Variants in DHX34 observed in about 807,000 individuals in gnomAD.
The protein encoded by DHX34 is probable ATP-dependent RNA helicase DHX34.
DHX34 carries 96 observed loss-of-function variants against 111.1 expected under a neutral mutation model. That is an observed-to-expected ratio of 0.86 (90% CI 0.73 to 1.02). DHX34 has a LOEUF of 1.02. DHX34 is among the 50% of genes least tolerant of loss of function. The pLI, the probability that DHX34 is intolerant of heterozygous loss-of-function variation, is 0.00. For synonymous variants in DHX34, 688 were observed against 670.4 expected (o/e 1.03, Z -0.41); for missense variants, 1,560 against 1,579.9 (o/e 0.99, Z 0.21).
At chr19:47,371,655 A>G (rs1969969442) in intron 7 of DHX34, among the ~76,000 whole-genome samples, 1 of 152,170 alleles carries the variant, frequency 6.6e-6, no homozygotes, top group African/African-American at 2.4e-5. Flanking sequence ...GCTAGAGTGT[A>G]ATGGCAAGAT....
chr19:47,379,698 C>A lies in DHX34; in HGVS notation c.2707-12C>A, dbSNP rs950533590. ...CCCACCTACTCCCTGTCTTCTGCCC[C>A]CTCTCTTTCAGTCCCTCCTGCTTTT... On this transcript the variant is annotated splice_polypyrimidine_tract_variant and intron_variant, in intron 13 of 16. Coordinates refer to ENST00000328771, the MANE Select transcript of DHX34 (RefSeq NM_014681.6). 2.3e-5 allele frequency: 37 copies of A among 1,586,406 alleles called. 1 individual carries two copies. The highest frequency in any genetic ancestry group is 3.5e-4 in the Middle Eastern group (2 of 5,644).
At chr19:47,379,422 T>C (rs1420369900) in intron 13 of DHX34, among the ~76,000 whole-genome samples, 2 of 152,190 alleles carry the variant, frequency 1.3e-5, no homozygotes, top group African/African-American at 4.8e-5. Flanking sequence ...TCTGAGTGCC[T>C]GCTGTCCCTC....
Position 47,380,899 on chromosome 19 carries a change from T to C in DHX34, c.3066T>C (p.His1022=), listed in dbSNP as rs999815559. 4 of 1,598,206 alleles carry C rather than the reference T, an allele frequency of 2.5e-6. No individual in the cohort carries two copies. Among genetic ancestry groups the C allele is most frequent in the South Asian group, 1.1e-5 (1 of 90,622 alleles). ...CCCAGACCATCCCAGCCACCCCCCA[T>C]CTTCCTGGCCTCTTTGGCAGCTCCA... ...VGPQTIPATP[H]LPGLFGSSTL... is the part of the protein sequence containing the mutation. Residue 1022 remains histidine (H), a synonymous_variant, in exon 15 of 17, where the codon CAT becomes CAC. Transcript: ENST00000328771.
chr19:47,351,149 A>G (rs10520411), intron 1 of DHX34, among the ~76,000 whole-genome samples: 17,009 of 150,626 alleles, frequency 0.11, 1,542 homozygotes, highest in African/African-American at 0.24. Flanking sequence ...TAGCCTCAGA[A>G]GAATGCTCTC....
At chr19:47,358,617 AT>A (rs1183343922) in intron 4 of DHX34, among the ~76,000 whole-genome samples, 4 of 146,396 alleles carry the variant, frequency 2.7e-5, no homozygotes, top group East Asian at 2.0e-4. Context: ...AACTCCATTA[AT>A]TTTTTTTTCT....
intron 2 of DHX34, among the ~76,000 whole-genome samples, chr19:47,354,147 G>A (rs1011743712): frequency 6.6e-6 from 1 of 152,112 alleles, no homozygotes; most frequent in African/African-American, 2.4e-5. Context: ...AATTTTAGTA[G>A]AGACGGGGTT....
rs182754000 is a variant in DHX34 at position 47,371,470 on chromosome 19, C to T, written c.1769-1260C>T. Among the ~76,000 whole-genome samples the T allele has an allele frequency of 3.3e-5, 5 of 152,286 alleles. No homozygotes were observed. In the East Asian group the frequency reaches 5.8e-4, roughly 18 times the overall value. ...CCCCCGTTTACAGATGGGGAAGCAGCGTCACGGCGAGGTGGGGCCACTTTT... is the reference window on the plus strand; with the variant it reads ...CCCCCGTTTACAGATGGGGAAGCAGTGTCACGGCGAGGTGGGGCCACTTTT... On this transcript the variant is annotated intron_variant, in intron 7 of 16. Coordinates refer to ENST00000328771, the MANE Select transcript of DHX34 (RefSeq NM_014681.6).
At chr19:47,355,397 C>G (rs748830687) in intron 3 of DHX34, 47 bp downstream of exon 3, 2 of 1,589,778 alleles carry the variant, frequency 1.3e-6, no homozygotes, top group South Asian at 1.1e-5. Context: ...CCAACCTGGT[C>G]TCTGTCCAAA....
rs1568409568 is a variant in DHX34 at position 47,380,969 on chromosome 19, TTCC to T, written c.3139_3141del (p.Leu1047del). 1 of 1,588,876 alleles carries T rather than the reference TTCC, an allele frequency of 6.3e-7. No homozygotes were observed. Among genetic ancestry groups the T allele is most frequent in the South Asian group, 1.1e-5 (1 of 87,496 alleles). On this transcript the variant is annotated inframe_deletion, in exon 15 of 17. Coordinates refer to ENST00000328771, the MANE Select transcript of DHX34 (RefSeq NM_014681.6). ...AAAGGGGGGCTACGCAGTCACTGAC[TTCC>T]TCACCTACAACTGCCTCACGGTAAG...
intron 13 of DHX34, 139 bp from the exon 14 acceptor site, chr19:47,379,571 A>T (rs1970283008): frequency 6.8e-7 from 1 of 1,472,456 alleles, no homozygotes; most frequent in South Asian, 1.4e-5. Context: ...TGCCTGGTAC[A>T]GCGGGTAGAT....
chr19:47,356,354 G>A (rs1231647295), intron 3 of DHX34, among the ~76,000 whole-genome samples: 1 of 151,922 alleles, frequency 6.6e-6, no homozygotes, highest in Non-Finnish European at 1.5e-5. Flanking sequence ...AGAATGGGTC[G>A]GGCACGGTGG....
chr19:47,367,790 AG>A (rs1969836858), intron 7 of DHX34, among the ~76,000 whole-genome samples: 1 of 147,652 alleles, frequency 6.8e-6, no homozygotes, highest in Non-Finnish European at 1.5e-5. Flanking sequence ...TGGGAGGGTG[AG>A]GTAGGAGAAT....
At chr19:47,375,103 A>G (rs1970093053) in intron 9 of DHX34, among the ~76,000 whole-genome samples, 1 of 152,164 alleles carries the variant, frequency 6.6e-6, no homozygotes. Context: ...ATGTGCCTAG[A>G]TGCCCCAGGG....
chr19:47,355,838 T>C (rs567858269), intron 3 of DHX34, among the ~76,000 whole-genome samples: 21 of 150,762 alleles, frequency 1.4e-4, no homozygotes, highest in African/African-American at 5.1e-4. Flanking sequence ...GGTGACAGAG[T>C]GAGACTTTGT....
intron 15 of DHX34, 36 bp from the exon 16 acceptor site, chr19:47,381,150 G>C: frequency 6.2e-7 from 1 of 1,608,576 alleles, no homozygotes; most frequent in Non-Finnish European, 8.5e-7. Context: ...GGTGGCACTT[G>C]GCGGGGGCCC....
chr19:47,374,235 G>C (rs773324228), intron 9 of DHX34, among the ~76,000 whole-genome samples: 1 of 151,920 alleles, frequency 6.6e-6, no homozygotes, highest in Non-Finnish European at 1.5e-5. Flanking sequence ...TCAGGAGATC[G>C]TGACCATCCT....
chr19:47,357,641 C>G (rs1969495417), intron 3 of DHX34: 2 of 629,958 alleles, frequency 3.2e-6, no homozygotes, highest in Non-Finnish European at 4.0e-6. Flanking sequence ...GTCAATCTTG[C>G]TGACTTTGAG....
intron 5 of DHX34, 147 bp downstream of exon 5, chr19:47,360,217 G>T: frequency 1.5e-6 from 1 of 673,826 alleles, no homozygotes; most frequent in Non-Finnish European, 2.5e-6. Flanking sequence ...CTTGCAACCA[G>T]AAGTGTTTGG....
chr19:47,368,869 A>C (rs191330747), intron 7 of DHX34, among the ~76,000 whole-genome samples: 1 of 151,942 alleles, frequency 6.6e-6, no homozygotes, highest in East Asian at 1.9e-4. Context: ...GCCCGCCATC[A>C]TACCTGGCTA....
Sources: gnomAD v4.1 joint callset for allele counts (sites outside exome capture counted in the v4.1 genomes callset) on GRCh38, gnomAD v4.1.1 for gene constraint, MANE v1.5 for transcripts, NCBI Gene and HGNC (gene_info 2026-07-23, HGNC 2026-07-21) for gene names.